Variants in TMEM164 observed in about 807,000 individuals in gnomAD.
The protein encoded by TMEM164 is transmembrane protein 164.
A neutral mutation model predicts 18.8 loss-of-function variants in TMEM164; 4 were observed. The ratio of observed to expected loss-of-function variants is 0.21; its 90% CI spans 0.10 to 0.49. The LOEUF is 0.49. Among genes scored for constraint, TMEM164 ranks in the 20% least tolerant of loss-of-function variants. The pLI is 0.98. For synonymous variants in TMEM164, 86 were observed against 101.7 expected, an observed-to-expected ratio of 0.85 and a Z score of 0.93; for missense variants, 108 against 239.9, an observed-to-expected ratio of 0.45 and a Z score of 3.63.
rs935218036 is a variant in TMEM164 at position 110,173,691 on chromosome X, C to G, written c.*240C>G. 1 of 400,265 alleles carries G rather than the reference C, an allele frequency of 2.5e-6. No individual in the cohort carries two copies. The highest frequency in any genetic ancestry group is 4.3e-6 in the Non-Finnish European group (1 of 231,956). The allele number at this position is 400,265 out of a possible 1,213,427, so 33.0% of individuals were successfully genotyped here. Reference sequence around the variant, plus strand: ...GATTTTCCTCCTTCCCTTTGGCTCTCTCTCTGCTCCTAGTGGCCTTACATG... The same window carrying G: ...GATTTTCCTCCTTCCCTTTGGCTCTGTCTCTGCTCCTAGTGGCCTTACATG... On this transcript the variant is annotated 3_prime_UTR_variant, in exon 7 of 7. Transcript: ENST00000372068.
At chrX:110,058,848 C>G (rs1204306406) in intron 2 of TMEM164, among the ~76,000 whole-genome samples, 2 of 106,879 alleles carry the variant, frequency 1.9e-5, no homozygotes, top group African/African-American at 6.8e-5. Flanking sequence ...CCAGGCTGGT[C>G]TCAAACTCCT....
chrX:110,105,418 G>A (rs937569175), intron 3 of TMEM164, among the ~76,000 whole-genome samples: 1 of 109,989 alleles, frequency 9.1e-6, no homozygotes, highest in Non-Finnish European at 1.9e-5. Context: ...TGGCCCTATA[G>A]CCATTTGCCA....
At chrX:110,143,524 T>C (rs1453823919) in intron 4 of TMEM164, among the ~76,000 whole-genome samples, 3 of 111,499 alleles carry the variant, frequency 2.7e-5, no homozygotes, top group Non-Finnish European at 3.8e-5. Flanking sequence ...AGCATGTGGG[T>C]CCCTGGGAAA....
intron 2 of TMEM164, among the ~76,000 whole-genome samples, chrX:110,020,968 TAAAAAAAAAAA>T (rs147367236): frequency 2.3e-5 from 1 of 43,637 alleles, no homozygotes; most frequent in Non-Finnish European, 3.8e-5. Context: ...CCCCTTTTTC[TAAAAAAAAAAA>T]AAAAAAAAAA....
intron 6 of TMEM164, among the ~76,000 whole-genome samples, chrX:110,172,815 T>TGGTTTG (rs1462753928): frequency 1.8e-5 from 2 of 112,181 alleles, no homozygotes; most frequent in Non-Finnish European, 3.8e-5. Flanking sequence ...TGTATAAAGC[T>TGGTTTG]GGGTGAGCCC....
At chrX:110,106,744 G>A (rs899805728) in intron 3 of TMEM164, among the ~76,000 whole-genome samples, 1 of 111,402 alleles carries the variant, frequency 9.0e-6, no homozygotes, top group African/African-American at 3.3e-5. Context: ...TCTTTATGTT[G>A]TGGCTGTCAC....
At chrX:110,143,804 GGTGTGTGTGTGTGTGTGT>G (rs759024255) in intron 4 of TMEM164, among the ~76,000 whole-genome samples, 1 of 103,054 alleles carries the variant, frequency 9.7e-6, no homozygotes, top group Admixed American at 1.0e-4. Context: ...CATACTTTGG[GGTGTGTGTGTGTGTGTGT>G]GTGTGTGTGT....
intron 3 of TMEM164, among the ~76,000 whole-genome samples, chrX:110,075,003 T>C (rs1428087294): frequency 8.9e-6 from 1 of 112,132 alleles, no homozygotes; most frequent in African/African-American, 3.2e-5. Flanking sequence ...AGAATGACTT[T>C]GGTAGTTTGA....
At chrX:110,153,166 A>G (rs1254700830) in intron 5 of TMEM164, among the ~76,000 whole-genome samples, 1 of 111,820 alleles carries the variant, frequency 8.9e-6, no homozygotes, top group Non-Finnish European at 1.9e-5. Flanking sequence ...ACTTTCTCCA[A>G]GAAGCCCTCT....
chrX:110,176,521 G>A lies in TMEM164; in HGVS notation c.*3070G>A. ...TTGCAGGGTCGCCGGGCTAACCAGG[G>A]TGATCGGCGAACTTTACCGTACAGT... On this transcript the variant is annotated 3_prime_UTR_variant, in exon 7 of 7. Transcript: ENST00000372068. The A allele has an allele frequency of 5.3e-6, 3 of 562,236 alleles. No homozygotes were observed. Among genetic ancestry groups the A allele is most frequent in the Non-Finnish European group, 6.5e-6 (3 of 463,644 alleles). The allele number at this position is 562,236 out of a possible 1,213,427, so 46.3% of individuals were successfully genotyped here.
At chrX:110,052,436 A>G (rs936246311) in intron 2 of TMEM164, among the ~76,000 whole-genome samples, 1 of 112,674 alleles carries the variant, frequency 8.9e-6, no homozygotes, top group Non-Finnish European at 1.9e-5. Flanking sequence ...GGAAATCCTG[A>G]GAATTACTGC....
In TMEM164 at chrX:110,067,383, A is replaced by G. The variant is rs764758124; in HGVS notation, c.427A>G (p.Ile143Val). Residue 143 changes from isoleucine (I) to valine (V), a missense_variant, in exon 3 of 7, where the codon ATC (isoleucine) becomes GTC (valine). Coordinates refer to ENST00000372068, the MANE Select transcript of TMEM164 (RefSeq NM_032227.4). ...GGCCTGCCCTCCATGTCGGGGAGCTATCGTCGTCTTCAAGTAAGAGAAAAT... is the reference window on the plus strand; with the variant it reads ...GGCCTGCCCTCCATGTCGGGGAGCTGTCGTCGTCTTCAAGTAAGAGAAAAT... The part of the protein sequence containing the change: ...LLACPPCRGA[I>V]VVFKLQMHML... The G allele has an allele frequency of 8.3e-6, 10 of 1,211,029 alleles. No homozygotes were observed. The South Asian group carries it at 1.6e-4, about 19-fold the overall frequency.
chrX:110,058,875 C>T (rs1230868998), intron 2 of TMEM164, among the ~76,000 whole-genome samples: 1 of 109,115 alleles, frequency 9.2e-6, no homozygotes, highest in African/African-American at 3.3e-5. Context: ...AAGTGATCTG[C>T]CTGCCTCGGC....
chrX:110,022,413 C>T (rs1334857064), intron 2 of TMEM164, among the ~76,000 whole-genome samples: 1 of 111,393 alleles, frequency 9.0e-6, no homozygotes, highest in Non-Finnish European at 1.9e-5. Context: ...TTCAGACTTA[C>T]TCTGAATCAT....
intron 5 of TMEM164, among the ~76,000 whole-genome samples, chrX:110,158,371 G>T (rs1345102102): frequency 1.8e-5 from 2 of 111,864 alleles, no homozygotes; most frequent in Non-Finnish European, 3.8e-5. Context: ...CATCTGGCTG[G>T]AGGGATCCGT....
intron 4 of TMEM164, among the ~76,000 whole-genome samples, chrX:110,116,030 C>T (rs774745823): frequency 8.1e-5 from 9 of 111,654 alleles, no homozygotes; most frequent in Non-Finnish European, 1.5e-4. Flanking sequence ...GAGGTCGAGG[C>T]GGTGGTGAGC....
intron 4 of TMEM164, among the ~76,000 whole-genome samples, chrX:110,117,485 C>G (rs1398787295): frequency 8.9e-6 from 1 of 111,909 alleles, no homozygotes; most frequent in African/African-American, 3.2e-5. Context: ...ATGTTTCTAA[C>G]ACATAGAAAT....
At position 110,177,004 on chromosome X, in the gene TMEM164, C is replaced by T. The variant is rs1417568041; in HGVS notation, c.*3553C>T. 1 of 112,151 alleles carries T rather than the reference C, an allele frequency of 8.9e-6. No homozygotes were observed. The highest frequency in any genetic ancestry group is 3.2e-5 in the African/African-American group (1 of 30,827). 9.2% of individuals were successfully genotyped at this position (112,151 alleles called of 1,213,427 possible). ...CTCCCCCCACTGCCCATCCTGCCCG[C>T]TTTGTGGCGGGTAGAGTCAGTGACA... On this transcript the variant is annotated 3_prime_UTR_variant, in exon 7 of 7. Transcript: ENST00000372068.
chrX:110,145,042 T>C (rs1478826796), intron 5 of TMEM164, among the ~76,000 whole-genome samples, 166 bp downstream of exon 5: 1 of 111,082 alleles, frequency 9.0e-6, no homozygotes, highest in Non-Finnish European at 1.9e-5. Context: ...GAGATGGGAA[T>C]GGACGAGGCC....
Sources: gnomAD v4.1 joint callset for allele counts (sites outside exome capture counted in the v4.1 genomes callset) on GRCh38, gnomAD v4.1.1 for gene constraint, MANE v1.5 for transcripts, NCBI Gene and HGNC (gene_info 2026-07-23, HGNC 2026-07-21) for gene names.